The following ECM2 variants were observed in gnomAD, a reference collection of about 807,000 sequenced individuals.
The protein encoded by ECM2 is extracellular matrix protein 2.
A neutral mutation model predicts 67.5 loss-of-function variants in ECM2; 57 were observed. The observed-to-expected ratio is 0.84, with a 90% CI of 0.68 to 1.05. ECM2 has a LOEUF of 1.05. Among genes scored for constraint, ECM2 ranks in the 50% least tolerant of loss-of-function variants. The pLI, the probability that ECM2 is intolerant of heterozygous loss-of-function variation, is 0.00. For missense variants in ECM2, 741 were observed against 822.8 expected (o/e 0.90, Z 1.22); for synonymous variants, 258 against 294.5 (o/e 0.88, Z 1.27).
chr9:92,509,048 T>C (rs1367722775), intron 6 of ECM2, among the ~76,000 whole-genome samples: 1 of 151,668 alleles, frequency 6.6e-6, no homozygotes, highest in African/African-American at 2.4e-5. Flanking sequence ...GCCTCTTCTA[T>C]ACAGAGTCAC....
At chr9:92,534,242 T>C (rs1452047654) in intron 1 of ECM2, among the ~76,000 whole-genome samples, 2 of 152,204 alleles carry the variant, frequency 1.3e-5, no homozygotes, top group Non-Finnish European at 2.9e-5. Context: ...TTGTCTGTAA[T>C]ATATCTTGTA....
chr9:92,507,008 A>G (rs1461869847), intron 6 of ECM2, among the ~76,000 whole-genome samples: 2 of 152,122 alleles, frequency 1.3e-5, no homozygotes, highest in East Asian at 3.8e-4. Flanking sequence ...CCCGGGTTCA[A>G]GCAATTCTCC....
downstream of ECM2, chr9:92,493,789 A>T (rs1846236570): frequency 4.7e-6 from 1 of 211,664 alleles, no homozygotes; most frequent in South Asian, 1.5e-4. Context: ...AAATCAGTAG[A>T]AATAAGTACA....
downstream of ECM2, chr9:92,493,905 A>G (rs1292911219): frequency 8.9e-6 from 4 of 449,724 alleles, no homozygotes; most frequent in Admixed American, 1.6e-4. Flanking sequence ...CAGCAAGCCC[A>G]CAGTGCGTCT....
chr9:92,519,001 T>C (rs1847900826), intron 2 of ECM2, among the ~76,000 whole-genome samples: 1 of 152,218 alleles, frequency 6.6e-6, no homozygotes. Context: ...ATTAGAAAGC[T>C]GAGGAGAATA....
intron 9 of ECM2, among the ~76,000 whole-genome samples, chr9:92,496,818 A>C (rs1421636950): frequency 6.7e-6 from 1 of 150,100 alleles, no homozygotes; most frequent in African/African-American, 2.5e-5. Flanking sequence ...AAAGTAACTT[A>C]TATCGCAGAT....
the ECM2 span, among the ~76,000 whole-genome samples, chr9:92,547,981 G>A: frequency 6.6e-6 from 1 of 151,874 alleles, no homozygotes. Context: ...AGTAAAGGAA[G>A]GAAAAACTGT....
chr9:92,523,505 G>T (rs1165594395), intron 1 of ECM2, among the ~76,000 whole-genome samples: 23 of 152,114 alleles, frequency 1.5e-4, no homozygotes, highest in Non-Finnish European at 1.5e-5. Flanking sequence ...TGGGAGCCAG[G>T]GGGCCAGTTG....
chr9:92,543,471 CAAAAAAAA>C, the ECM2 span, among the ~76,000 whole-genome samples: 4 of 44,522 alleles, frequency 9.0e-5, no homozygotes, highest in African/African-American at 1.9e-4. Context: ...AACCCTGTCT[CAAAAAAAA>C]AAAAAAAAAA....
At chr9:92,518,745 C>T (rs1239871369) in intron 2 of ECM2, among the ~76,000 whole-genome samples, 1 of 151,966 alleles carries the variant, frequency 6.6e-6, no homozygotes. Flanking sequence ...AAAAATTAGC[C>T]GAGTATGGTG....
chr9:92,494,417 A>T (rs1846259860), downstream of ECM2, among the ~76,000 whole-genome samples: 1 of 152,192 alleles, frequency 6.6e-6, no homozygotes, highest in African/African-American at 2.4e-5. Context: ...TGGCCACTTT[A>T]AAATTAGTAA....
At position 92,533,328 on chromosome 9, in the gene ECM2, AATATATAT is replaced by A. The variant is rs202147064; in HGVS notation, c.-28+2597_-28+2604del. 5.1e-3 allele frequency among the ~76,000 whole-genome samples: 195 copies of A among 38,308 alleles called. 9 individuals are homozygous for A. The highest frequency in any genetic ancestry group is 0.045 in the East Asian group (61 of 1,346). 25.1% of individuals were successfully genotyped at this position (38,308 alleles called of 152,430 possible). A position where few individuals can be genotyped will look rare whatever the true frequency, so the allele number is the denominator to read the frequency against. On this transcript the variant is annotated intron_variant, in intron 1 of 9. Coordinates refer to ENST00000344604, the MANE Select transcript of ECM2 (RefSeq NM_001393.4). ...CAAAAAAAAAAAAAAAAAAAAAAAA[AATATATAT>A]ATATATATATATATATATATATGCT...
At chr9:92,537,485 C>A (rs948698848), upstream of ECM2, among the ~76,000 whole-genome samples, 4 of 151,968 alleles carry the variant, frequency 2.6e-5, no homozygotes, top group African/African-American at 4.8e-5. Flanking sequence ...ACATGTGAAA[C>A]CCCGTCTCTA....
chr9:92,533,031 G>A (rs914002316), intron 1 of ECM2, among the ~76,000 whole-genome samples: 4 of 151,948 alleles, frequency 2.6e-5, no homozygotes, highest in African/African-American at 9.7e-5. Flanking sequence ...GGGTGCGGTG[G>A]CTCAAGTCTG....
At chr9:92,512,709 TTTAG>T (rs1183684982) in intron 4 of ECM2, among the ~76,000 whole-genome samples, 13 of 152,206 alleles carry the variant, frequency 8.5e-5, no homozygotes, top group Non-Finnish European at 1.9e-4. Flanking sequence ...TGTTTTAACA[TTTAG>T]TTAAGTTCAG....
chr9:92,501,822 T>C (rs1255046236), intron 8 of ECM2, among the ~76,000 whole-genome samples: 2 of 152,186 alleles, frequency 1.3e-5, no homozygotes, highest in African/African-American at 2.4e-5. Flanking sequence ...CAGATCCCAG[T>C]TGTCTGCTGG....
intron 1 of ECM2, among the ~76,000 whole-genome samples, chr9:92,526,535 A>G (rs1848420023): frequency 6.6e-6 from 1 of 152,036 alleles, no homozygotes; most frequent in African/African-American, 2.4e-5. Flanking sequence ...GAAAAGCAAC[A>G]GCAAACCAAA....
At chr9:92,536,322 T>A (rs545449649), upstream of ECM2, among the ~76,000 whole-genome samples, 1 of 152,286 alleles carries the variant, frequency 6.6e-6, no homozygotes, top group African/African-American at 2.4e-5. Flanking sequence ...ATTAAAAATG[T>A]TAAAGTTTAT....
downstream of ECM2, chr9:92,493,665 T>C (rs1485748937): frequency 6.5e-6 from 1 of 154,320 alleles, no homozygotes; most frequent in African/African-American, 2.4e-5. Context: ...TTGTGAAGAG[T>C]GTTTGCTATA....
Sources: gnomAD v4.1 joint callset for allele counts (sites outside exome capture counted in the v4.1 genomes callset) on GRCh38, gnomAD v4.1.1 for gene constraint, MANE v1.5 for transcripts, NCBI Gene and HGNC (gene_info 2026-07-23, HGNC 2026-07-21) for gene names.